The following NOX5 variants were observed in gnomAD, a reference collection of about 807,000 sequenced individuals.
NOX5 encodes NADPH oxidase 5.
NOX5 carries 76 observed loss-of-function variants against 85.7 expected under a neutral mutation model. That is an observed-to-expected ratio of 0.89 (90% CI 0.74 to 1.07). NOX5 has a LOEUF of 1.07. NOX5 is among the 50% of genes least tolerant of loss of function. NOX5 has a pLI of 0.00. For missense variants in NOX5, 973 were observed against 999.5 expected (o/e 0.97, Z 0.36); for synonymous variants, 405 against 401.4 (o/e 1.01, Z -0.11).
rs1208438128 is a variant in NOX5 at position 69,062,445 on chromosome 15, G to GC, written c.*5756dup. On this transcript the variant is annotated 3_prime_UTR_variant, in exon 16 of 16. Coordinates refer to ENST00000388866, the MANE Select transcript of NOX5 (RefSeq NM_024505.4). ...CAAACTCCTGAGTCTGCTACACAAG[G>GC]CCCCCCCAACATAAGCCCTAGATGA... is the stretch of plus-strand genomic sequence containing the variant. 2.6e-4 allele frequency: 39 copies of GC among 151,458 alleles called. No homozygotes were observed. The highest frequency in any genetic ancestry group is 1.2e-3 in the East Asian group (6 of 5,120). 9.4% of individuals were successfully genotyped at this position (151,458 alleles called of 1,614,324 possible).
rs755412038 is a variant in NOX5, at chr15:69,032,993, T to TG, written c.621-48dup. On this transcript the variant is annotated intron_variant, in intron 4 of 15. Coordinates refer to ENST00000388866, the MANE Select transcript of NOX5 (RefSeq NM_024505.4). ...GGGGGTCTTTAAGTTAAGACACAGG[T>TG]GGTCCCCGCCCCACCGCTCGCCTCT... 6.6e-6 allele frequency: 10 copies of TG among 1,518,056 alleles called. No homozygotes were observed. In the African/African-American group the frequency reaches 1.0e-4, roughly 16 times the overall value. 94.0% of individuals were successfully genotyped at this position (1,518,056 alleles called of 1,614,324 possible). A position where few individuals can be genotyped will look rare whatever the true frequency, so the allele number is the denominator to read the frequency against.
chr15:69,047,604 C>T, intron 12 of NOX5, 67 bp downstream of exon 12: 1 of 1,558,192 alleles, frequency 6.4e-7, no homozygotes, highest in Non-Finnish European at 8.7e-7. Context: ...CCTGCTCCTC[C>T]TCCCTTTATT....
intron 14 of NOX5, among the ~76,000 whole-genome samples, chr15:69,054,810 G>A (rs551938373): frequency 6.6e-6 from 1 of 152,276 alleles, no homozygotes; most frequent in East Asian, 1.9e-4. Flanking sequence ...TTTCATGTGT[G>A]TGTGGCTTGT....
rs2050509282 is a variant in NOX5 at position 69,035,873 on chromosome 15, G to A, written c.1125G>A (p.Leu375=). 2 of 1,614,144 alleles carry A rather than the reference G, an allele frequency of 1.2e-6. No homozygotes were observed. The highest frequency in any genetic ancestry group is 1.1e-5 in the South Asian group (1 of 91,082). Residue 375 remains leucine (L), a synonymous_variant, in exon 7 of 16, where the codon CTG becomes CTA. Coordinates refer to ENST00000388866, the MANE Select transcript of NOX5 (RefSeq NM_024505.4). ...GSASPTGVAL[L]LLLLLMFICS... ...CCTCCCCGACAGGTGTCGCTCTGCT[G>A]CTGCTGCTCCTCCTCATGTTCATCT...
intron 3 of NOX5, chr15:69,031,269 A>T (rs2050424904): frequency 1.9e-6 from 1 of 536,952 alleles, no homozygotes; most frequent in African/African-American, 1.9e-5. Flanking sequence ...TTTTCTGGGC[A>T]GATAGTCTTG....
At chr15:69,031,849 C>G (rs2050439242) in intron 4 of NOX5, 37 bp downstream of exon 4, 1 of 1,557,722 alleles carries the variant, frequency 6.4e-7, no homozygotes, top group East Asian at 2.3e-5. Flanking sequence ...CTGTCCACGG[C>G]GGCGTTAGAC....
At chr15:69,019,180 G>A (rs2050267669) in intron 1 of NOX5, among the ~76,000 whole-genome samples, 1 of 152,118 alleles carries the variant, frequency 6.6e-6, no homozygotes, top group Non-Finnish European at 1.5e-5. Context: ...CTTTTTAATT[G>A]TCATACCCGG....
chr15:69,044,553 T>C (rs748761972), intron 10 of NOX5, among the ~76,000 whole-genome samples: 18 of 152,178 alleles, frequency 1.2e-4, no homozygotes, highest in Non-Finnish European at 2.2e-4. Flanking sequence ...GCTGATCACC[T>C]TTACAATAGA....
At chr15:69,039,930 A>G (rs1191792585) in intron 9 of NOX5, among the ~76,000 whole-genome samples, 2 of 152,182 alleles carry the variant, frequency 1.3e-5, no homozygotes, top group Non-Finnish European at 2.9e-5. Flanking sequence ...TGTGGCTTGC[A>G]CTGACATTTC....
At chr15:69,031,205 G>A (rs1258846610) in intron 3 of NOX5, 1 of 434,942 alleles carries the variant, frequency 2.3e-6, no homozygotes, top group African/African-American at 2.0e-5. Flanking sequence ...GTGTGCCTTT[G>A]GATAACTGAG....
Position 69,035,466 on chromosome 15 carries a change from G to A in NOX5, c.968G>A (p.Gly323Glu). 6.2e-7 allele frequency: 1 copy of A among 1,614,212 alleles called. No homozygotes were observed. The highest frequency in any genetic ancestry group is 1.3e-5 in the African/African-American group (1 of 75,054). ...CAGCTTATGGGCTACGTGGTAGTGG[G>A]GCTGTCCCTCGTGCACACCGTGGCT... ...FHQLMGYVVV[G>E]LSLVHTVAHT... is the part of the protein sequence containing the mutation. The change falls in exon 6 of 16, where the codon GGG becomes GAG. Residue 323 changes from glycine to glutamate, a missense_variant. Gly to Glu is a moderately conservative substitution (Grantham distance 98). Transcript: ENST00000388866.
At chr15:69,034,877 G>A (rs2050491082) in intron 5 of NOX5, among the ~76,000 whole-genome samples, 1 of 152,104 alleles carries the variant, frequency 6.6e-6, no homozygotes, top group African/African-American at 2.4e-5. Flanking sequence ...TCCTGCCTCA[G>A]CCCCCTAAGT....
chr15:69,021,548 C>T (rs1455148997), intron 1 of NOX5, among the ~76,000 whole-genome samples: 1 of 152,266 alleles, frequency 6.6e-6, no homozygotes, highest in African/African-American at 2.4e-5. Context: ...AATCTCTTGA[C>T]CTCATGATCC....
At chr15:69,050,930 T>G (rs1471016211) in intron 14 of NOX5, among the ~76,000 whole-genome samples, 1 of 152,228 alleles carries the variant, frequency 6.6e-6, no homozygotes, top group East Asian at 1.9e-4. Context: ...CCCAGCTGTT[T>G]AAGCTCGAGG....
chr15:69,059,287 A>G lies in NOX5; in HGVS notation c.*2591A>G, dbSNP rs1215632640. ...GGGCGCTGCAGAATCACGGATCTCA[A>G]GCGGGTTTGTTTCCCAGGAAGTGAG... On this transcript the variant is annotated 3_prime_UTR_variant, in exon 16 of 16. Transcript: ENST00000388866. 3.3e-5 allele frequency: 5 copies of G among 152,146 alleles called. No homozygotes were observed. The highest frequency in any genetic ancestry group is 6.5e-5 in the Admixed American group (1 of 15,272). The allele number at this position is 152,146 out of a possible 1,614,324, so 9.4% of individuals were successfully genotyped here. A position where few individuals can be genotyped will look rare whatever the true frequency, so the allele number is the denominator to read the frequency against.
intron 4 of NOX5, 97 bp from the exon 5 acceptor site, chr15:69,032,946 A>T: frequency 6.8e-7 from 1 of 1,473,532 alleles, no homozygotes. Flanking sequence ...TGCTTGCCAG[A>T]CTTGGTCGGC....
At chr15:69,016,022 G>A (rs1407104686) in intron 1 of NOX5, among the ~76,000 whole-genome samples, 2 of 152,214 alleles carry the variant, frequency 1.3e-5, no homozygotes, top group Non-Finnish European at 2.9e-5. Context: ...CTTGGCTGAT[G>A]TTGAAGCCAC....
chr15:69,050,895 G>C (rs571066366), intron 14 of NOX5, among the ~76,000 whole-genome samples: 31 of 152,274 alleles, frequency 2.0e-4, no homozygotes, highest in African/African-American at 7.2e-4. Context: ...AAGCCTCTTC[G>C]CTTTTAGTGA....
At position 69,047,490 on chromosome 15, in the gene NOX5, C is replaced by G; in HGVS notation, c.1770C>G (p.Gly590=). 1 of 1,614,030 alleles carries G rather than the reference C, an allele frequency of 6.2e-7. No homozygotes were observed. The highest frequency in any genetic ancestry group is 1.1e-5 in the South Asian group (1 of 91,076). The part of the protein sequence containing the change: ...ASEHAVLIGA[G]IGITPFASIL... ...AGCATGCCGTGCTCATCGGGGCAGG[C>G]ATCGGCATCACCCCCTTTGCTTCCA... is the stretch of plus-strand genomic sequence containing the variant. The change falls in exon 12 of 16, where the codon GGC becomes GGG. Residue 590 remains glycine, a synonymous_variant. Transcript: ENST00000388866.
Sources: gnomAD v4.1 joint callset for allele counts (sites outside exome capture counted in the v4.1 genomes callset) on GRCh38, gnomAD v4.1.1 for gene constraint, MANE v1.5 for transcripts, NCBI Gene and HGNC (gene_info 2026-07-23, HGNC 2026-07-21) for gene names.